LCORL: variants seen among roughly 807,000 people sequenced by gnomAD.
LCORL encodes the protein ligand-dependent nuclear receptor corepressor-like protein.
A neutral mutation model predicts 141.8 loss-of-function variants in LCORL; 41 were observed. The observed-to-expected ratio is 0.29, with a 90% CI of 0.23 to 0.38. LCORL has a LOEUF of 0.38. Ranked by LOEUF, LCORL falls within the 10% of genes least tolerant of loss-of-function variation. LCORL has a pLI of 1.00. For synonymous variants in LCORL, 618 were observed against 694.1 expected, an observed-to-expected ratio of 0.89 and a Z score of 1.72; for missense variants, 1,759 against 2,035.0, an observed-to-expected ratio of 0.86 and a Z score of 2.61.
chr4:17,914,085 T>C (rs1732997256), intron 4 of LCORL, among the ~76,000 whole-genome samples: 1 of 152,240 alleles, frequency 6.6e-6, no homozygotes, highest in African/African-American at 2.4e-5. Flanking sequence ...AACTAGATTA[T>C]ATTAGCACAT....
chr4:17,924,890 G>C (rs1327732583), intron 4 of LCORL, among the ~76,000 whole-genome samples: 2 of 152,210 alleles, frequency 1.3e-5, no homozygotes, highest in East Asian at 3.8e-4. Context: ...CCAGAAGGCT[G>C]TGCATGCTCT....
intron 5 of LCORL, among the ~76,000 whole-genome samples, chr4:17,896,967 TG>T (rs1269341147): frequency 1.3e-5 from 2 of 152,050 alleles, no homozygotes; most frequent in Non-Finnish European, 2.9e-5. Flanking sequence ...GGTAAGAACA[TG>T]AAAAGTTTGT....
At chr4:17,958,272 T>G (rs1713076791) in intron 4 of LCORL, among the ~76,000 whole-genome samples, 1 of 151,668 alleles carries the variant, frequency 6.6e-6, no homozygotes, top group South Asian at 2.1e-4. Context: ...ATGCTAAGCA[T>G]GTGTGGGTAT....
At chr4:17,956,412 G>A (rs992666423) in intron 4 of LCORL, among the ~76,000 whole-genome samples, 2 of 151,958 alleles carry the variant, frequency 1.3e-5, no homozygotes, top group African/African-American at 4.8e-5. Flanking sequence ...CAACTTAAAT[G>A]TCTATGAATG....
intron 1 of LCORL, among the ~76,000 whole-genome samples, chr4:17,982,175 C>G (rs1465767097): frequency 6.7e-6 from 1 of 149,732 alleles, no homozygotes; most frequent in Non-Finnish European, 1.5e-5. Context: ...TCCAATCTAT[C>G]AATGATGGGC....
chr4:17,938,026 CAG>C (rs1354504724), intron 4 of LCORL, among the ~76,000 whole-genome samples: 1 of 116,982 alleles, frequency 8.5e-6, no homozygotes, highest in Non-Finnish European at 1.7e-5. Context: ...TTTTTTGAGA[CAG>C]AGTTTCGCTC....
chr4:17,924,295 C>T (rs186334342), intron 4 of LCORL, among the ~76,000 whole-genome samples: 5 of 152,332 alleles, frequency 3.3e-5, no homozygotes, highest in Non-Finnish European at 7.3e-5. Flanking sequence ...CCTCTTTCCT[C>T]AGCCACCCAT....
intron 4 of LCORL, among the ~76,000 whole-genome samples, chr4:17,919,095 A>G (rs1026228368): frequency 4.6e-5 from 7 of 152,186 alleles, no homozygotes; most frequent in African/African-American, 1.2e-4. Context: ...AAAAAACACA[A>G]AAGATTATCA....
intron 4 of LCORL, among the ~76,000 whole-genome samples, chr4:17,927,176 C>G (rs921607279): frequency 3.9e-5 from 6 of 152,232 alleles, no homozygotes; most frequent in Admixed American, 1.3e-4. Flanking sequence ...AGACAGCTTT[C>G]TTTAAATCTC....
chr4:17,990,260 G>A (rs1369607900), intron 1 of LCORL, among the ~76,000 whole-genome samples: 5 of 151,870 alleles, frequency 3.3e-5, no homozygotes, highest in Admixed American at 1.3e-4. Context: ...CACCACGCCC[G>A]GCTAATTTTT....
intron 5 of LCORL, among the ~76,000 whole-genome samples, chr4:17,889,162 C>A (rs1000322914): frequency 7.9e-5 from 12 of 152,024 alleles, no homozygotes; most frequent in Admixed American, 7.2e-4. Context: ...ACACGAAGCA[C>A]CAACTATAGC....
intron 1 of LCORL, among the ~76,000 whole-genome samples, chr4:18,018,224 T>G (rs1287592836): frequency 6.6e-6 from 1 of 152,156 alleles, no homozygotes; most frequent in East Asian, 1.9e-4. Context: ...CTAATTATAT[T>G]ATACATTTCA....
At chr4:18,010,031 T>A (rs1247437600) in intron 1 of LCORL, among the ~76,000 whole-genome samples, 3 of 152,076 alleles carry the variant, frequency 2.0e-5, no homozygotes, top group Non-Finnish European at 4.4e-5. Flanking sequence ...AATTATATTT[T>A]AAAAAAAGAG....
intron 7 of LCORL, among the ~76,000 whole-genome samples, chr4:17,848,376 G>A (rs568229338): frequency 2.0e-4 from 30 of 152,306 alleles, no homozygotes; most frequent in African/African-American, 6.3e-4. Flanking sequence ...TTGAGACAGC[G>A]TCTTGCTCTG....
chr4:17,939,893 C>CAT (rs900356773), intron 4 of LCORL, among the ~76,000 whole-genome samples: 3 of 150,114 alleles, frequency 2.0e-5, no homozygotes, highest in Non-Finnish European at 4.4e-5. Context: ...CACACACACA[C>CAT]ATATATGTAT....
At chr4:17,876,402 G>T in exon 7 of LCORL, 1 of 1,230,654 alleles carries the variant, frequency 8.1e-7, no homozygotes, top group Non-Finnish European at 1.0e-6. Flanking sequence ...CAATTTCTTG[G>T]ATGCTTTATA....
chr4:17,885,897 TA>T, intron 6 of LCORL, among the ~76,000 whole-genome samples, 170 bp downstream of exon 6: 1 of 151,634 alleles, frequency 6.6e-6, no homozygotes, highest in South Asian at 2.1e-4. Context: ...ACAGAAAGAA[TA>T]AAAAAGAAAG....
At chr4:17,966,691 G>A (rs1447878969) in intron 2 of LCORL, among the ~76,000 whole-genome samples, 2 of 152,092 alleles carry the variant, frequency 1.3e-5, no homozygotes, top group African/African-American at 4.8e-5. Flanking sequence ...CATATGAAAA[G>A]ATGCTGAATG....
intron 1 of LCORL, among the ~76,000 whole-genome samples, chr4:17,984,413 TG>T (rs1718580446): frequency 6.6e-6 from 1 of 152,114 alleles, no homozygotes; most frequent in Non-Finnish European, 1.5e-5. Context: ...TTTTTTAGGT[TG>T]GTAGGGTATT....
Sources: allele counts gnomAD v4.1 joint callset (sites outside exome capture counted in the v4.1 genomes callset), GRCh38; gene constraint gnomAD v4.1.1; transcripts MANE v1.5; gene names NCBI Gene and HGNC (gene_info 2026-07-23, HGNC 2026-07-21).